Variants in NET1 observed in about 807,000 individuals in gnomAD.
NET1 encodes neuroepithelial cell-transforming gene 1 protein.
Under a neutral mutation model 61.1 loss-of-function variants are expected in NET1, and 42 were observed. The ratio of observed to expected loss-of-function variants is 0.69; its 90% confidence interval spans 0.54 to 0.89. NET1 has a LOEUF of 0.89. NET1 is among the 40% of genes least tolerant of loss of function. The pLI is 0.00. For synonymous variants in NET1, 254 were observed against 281.8 expected (o/e 0.90, Z 0.99); for missense variants, 654 against 747.3 (o/e 0.88, Z 1.46).
intron 3 of NET1, among the ~76,000 whole-genome samples, chr10:5,445,847 C>T (rs899995715): frequency 1.3e-5 from 2 of 152,280 alleles, no homozygotes; most frequent in East Asian, 1.9e-4. Context: ...TCAGTTAATT[C>T]AGTCTAGAGA....
Position 5,446,694 on chromosome 10 carries a change from T to C in NET1, c.256-5136T>C, listed in dbSNP as rs912767640. ...CTCTGGGAAGAAAAGCCCGTGTGCCTCTGCATAGCGTCGCTACAGCGCTGA... is the reference window on the plus strand; with the variant it reads ...CTCTGGGAAGAAAAGCCCGTGTGCCCCTGCATAGCGTCGCTACAGCGCTGA... On this transcript the variant is annotated intron_variant, in intron 3 of 11. Coordinates refer to ENST00000355029, the MANE Select transcript of NET1 (RefSeq NM_001047160.3). This position sits in a 1 kb window ranked among gnomAD's most constrained non-coding sequence, Gnocchi z 5.0. The C allele has an allele frequency of 1.0e-5, 15 of 1,428,728 alleles. No individual in the cohort carries two copies. The highest frequency in any genetic ancestry group is 1.3e-5 in the Non-Finnish European group (14 of 1,077,470). The allele number at this position is 1,428,728 out of a possible 1,614,324, so 88.5% of individuals were successfully genotyped here. A position where few individuals can be genotyped will look rare whatever the true frequency, so the allele number is the denominator to read the frequency against.
rs116916982 is a variant in NET1, at chr10:5,456,065, C to T, written c.1198-22C>T. On this transcript the variant is annotated intron_variant, in intron 10 of 11. Coordinates refer to ENST00000355029, the MANE Select transcript of NET1 (RefSeq NM_001047160.3). The surrounding 1 kb of genome is among the most constrained non-coding windows in gnomAD (Gnocchi z 7.0). Reference sequence around the variant, plus strand: ...TTAAAAACACAAGTTTCCTATTTAGCGTTTGTTTCCCATTTCTCCAGAAAC... The same window carrying T: ...TTAAAAACACAAGTTTCCTATTTAGTGTTTGTTTCCCATTTCTCCAGAAAC... The T allele has an allele frequency of 1.1e-5, 17 of 1,594,060 alleles. No individual in the cohort carries two copies. Among genetic ancestry groups the T allele is most frequent in the Admixed American group, 1.7e-5 (1 of 57,654 alleles).
chr10:5,428,670 TA>T (rs947251492), intron 2 of NET1, among the ~76,000 whole-genome samples: 1 of 151,880 alleles, frequency 6.6e-6, no homozygotes, highest in Non-Finnish European at 1.5e-5. Context: ...ACTGTTCAGA[TA>T]GTATCTATTC....
Position 5,456,027 on chromosome 10 carries a change from AT to A in NET1, c.1198-59del. 6.9e-7 allele frequency: 1 copy of A among 1,451,670 alleles called. No homozygotes were observed. The highest frequency in any genetic ancestry group is 1.4e-5 in the African/African-American group (1 of 70,846). 89.9% of individuals were successfully genotyped at this position (1,451,670 alleles called of 1,614,324 possible). On this transcript the variant is annotated intron_variant, in intron 10 of 11. Coordinates refer to ENST00000355029, the MANE Select transcript of NET1 (RefSeq NM_001047160.3). This position sits in a 1 kb window ranked among gnomAD's most constrained non-coding sequence, Gnocchi z 7.0. ...AATAATGTCGAGTTATTTTAGCAAT[AT>A]ATTTCAGTCACTTAAAAACACAAGT...
rs574813174 is a variant in NET1, at chr10:5,435,708, A to G, written c.255+6479A>G. ...GGACTTTGGATATCTTATATGAAGA[A>G]TTTAATTCTGATGTCAATTGAATTT... On this transcript the variant is annotated intron_variant, in intron 3 of 11. Transcript: ENST00000355029. The surrounding 1 kb of genome is among the most constrained non-coding windows in gnomAD (Gnocchi z 5.0). Among the ~76,000 whole-genome samples, 1 of 152,130 alleles carries G rather than the reference A, an allele frequency of 6.6e-6. No individual in the cohort carries two copies. The highest frequency in any genetic ancestry group is 2.1e-4 in the South Asian group (1 of 4,828).
At position 5,439,053 on chromosome 10, in the gene NET1, A is replaced by G. The variant is rs1436331994; in HGVS notation, c.255+9824A>G. Among the ~76,000 whole-genome samples the G allele has an allele frequency of 6.6e-6, 1 of 152,230 alleles. No individual in the cohort carries two copies. The highest frequency in any genetic ancestry group is 1.5e-5 in the Non-Finnish European group (1 of 68,036). On this transcript the variant is annotated intron_variant, in intron 3 of 11. Transcript: ENST00000355029. This position sits in a 1 kb window ranked among gnomAD's most constrained non-coding sequence, Gnocchi z 4.8. Reference sequence around the variant, plus strand: ...TGTGGCCATTCTCATAGGCCCATCCATATGCCTCTTCTCCAAAATTGATTT... The same window carrying G: ...TGTGGCCATTCTCATAGGCCCATCCGTATGCCTCTTCTCCAAAATTGATTT...
chr10:5,453,669 C>T lies in NET1; in HGVS notation c.768+109C>T. 1 of 938,190 alleles carries T rather than the reference C, an allele frequency of 1.1e-6. No individual in the cohort carries two copies. The highest frequency in any genetic ancestry group is 1.7e-6 in the Non-Finnish European group (1 of 582,882). The allele number at this position is 938,190 out of a possible 1,614,324, so 58.1% of individuals were successfully genotyped here. On this transcript the variant is annotated intron_variant, in intron 8 of 11. Coordinates refer to ENST00000355029, the MANE Select transcript of NET1 (RefSeq NM_001047160.3). This position sits in a 1 kb window ranked among gnomAD's most constrained non-coding sequence, Gnocchi z 4.9. ...ATCCCACAACTCTGTTCTACAAACA[C>T]ATAAGGCGTTAAAACTGAACAAATT...
chr10:5,456,920 C>A lies in NET1; in HGVS notation c.1717C>A (p.Gln573Lys). ...AEDSKSLKTH[Q>K]TQPGIRRARD... is the part of the protein sequence containing the mutation. Reference sequence around the variant, plus strand: ...GGACAGCAAGAGCTTAAAGACACACCAGACACAGCCCGGCATCCGAAGAGC... The same window carrying A: ...GGACAGCAAGAGCTTAAAGACACACAAGACACAGCCCGGCATCCGAAGAGC... Residue 573 changes from glutamine to lysine, a missense_variant, in exon 12 of 12, where the codon CAG becomes AAG. Physicochemically the swap from Gln to Lys is moderately conservative, Grantham distance 53 (BLOSUM62 1). Coordinates refer to ENST00000355029, the MANE Select transcript of NET1 (RefSeq NM_001047160.3). This position sits in a 1 kb window ranked among gnomAD's most constrained non-coding sequence, Gnocchi z 7.0. 2 of 1,611,742 alleles carry A rather than the reference C, an allele frequency of 1.2e-6. No individual in the cohort carries two copies. Among genetic ancestry groups the A allele is most frequent in the Non-Finnish European group, 1.7e-6 (2 of 1,178,908 alleles).
rs1832163632 is a variant in NET1, at chr10:5,420,862, G to T, written c.129-5793G>T. Among the ~76,000 whole-genome samples the T allele has an allele frequency of 6.6e-6, 1 of 152,180 alleles. No individual in the cohort carries two copies. Among genetic ancestry groups the T allele is most frequent in the African/African-American group, 2.4e-5 (1 of 41,502 alleles). Reference sequence around the variant, plus strand: ...GCCCACCTTGACCTCCCAAAGTGCTGGGATTACAAGTATGAGTCACTGTGC... The same window carrying T: ...GCCCACCTTGACCTCCCAAAGTGCTTGGATTACAAGTATGAGTCACTGTGC... On this transcript the variant is annotated intron_variant, in intron 1 of 11. Coordinates refer to ENST00000355029, the MANE Select transcript of NET1 (RefSeq NM_001047160.3). The surrounding 1 kb of genome is among the most constrained non-coding windows in gnomAD (Gnocchi z 5.3).
chr10:5,456,629 G>C lies in NET1; in HGVS notation c.1426G>C (p.Ala476Pro). 1 of 1,577,970 alleles carries C rather than the reference G, an allele frequency of 6.3e-7. No individual in the cohort carries two copies. Among genetic ancestry groups the C allele is most frequent in the South Asian group, 1.2e-5 (1 of 86,310 alleles). Residue 476 changes from alanine (A) to proline (P), a missense_variant, in exon 12 of 12, where the codon GCC becomes CCC. Ala to Pro is a conservative substitution (Grantham distance 27). Coordinates refer to ENST00000355029, the MANE Select transcript of NET1 (RefSeq NM_001047160.3). The surrounding 1 kb of genome is among the most constrained non-coding windows in gnomAD (Gnocchi z 7.0). Reference protein sequence around the residue: ...FRIRFHDPSPAQSHTLQANDV... With the variant: ...FRIRFHDPSPPQSHTLQANDV... ...AATTCGCTTCCATGACCCCTCTCCA[G>C]CCCAGTCTCACACTCTGCAAGCCAA...
chr10:5,433,604 C>T (rs1426772362), intron 3 of NET1, among the ~76,000 whole-genome samples: 3 of 152,284 alleles, frequency 2.0e-5, no homozygotes, highest in African/African-American at 7.2e-5. Context: ...ACCCATGGCT[C>T]ACCTTTTCTT....
At position 5,455,087 on chromosome 10, in the gene NET1, GC is replaced by G. The variant is rs1752746275; in HGVS notation, c.1168del (p.His390MetfsTer23). On this transcript the variant is annotated frameshift_variant, in exon 10 of 12. Transcript: ENST00000355029. LOFTEE classifies it high-confidence loss of function. The surrounding 1 kb of genome is among the most constrained non-coding windows in gnomAD (Gnocchi z 6.5). Reference protein sequence around the residue: ...PRIEASKVLLCHGELRSKSGH... With the variant: ...PRIEASKVLLXHGELRSKSGH... ...ATCGAAGCGAGCAAAGTGCTGCTGT[GC>G]CATGGGGAGCTGCGGAGCAAGAGTG... 1 of 1,613,842 alleles carries G rather than the reference GC, an allele frequency of 6.2e-7. No individual in the cohort carries two copies. Among genetic ancestry groups the G allele is most frequent in the Non-Finnish European group, 8.5e-7 (1 of 1,180,030 alleles).
At chr10:5,430,933 G>A (rs1178792275) in intron 3 of NET1, among the ~76,000 whole-genome samples, 2 of 147,858 alleles carry the variant, frequency 1.4e-5, no homozygotes, top group South Asian at 2.2e-4. Context: ...GTGCAGTGGC[G>A]CGATCTCTGC....
rs963987968 is a variant in NET1 at position 5,415,641 on chromosome 10, A to G, written c.128+2821A>G. Among the ~76,000 whole-genome samples the G allele has an allele frequency of 2.0e-5, 3 of 152,120 alleles. No individual in the cohort carries two copies. The highest frequency in any genetic ancestry group is 2.9e-5 in the Non-Finnish European group (2 of 68,018). On this transcript the variant is annotated intron_variant, in intron 1 of 11. Coordinates refer to ENST00000355029, the MANE Select transcript of NET1 (RefSeq NM_001047160.3). This position sits in a 1 kb window ranked among gnomAD's most constrained non-coding sequence, Gnocchi z 4.7. Reference sequence around the variant, plus strand: ...TTTTTAGTAAAGACAGGGTTTCACCATGTTGGCTAGGCTGGTCTTGAACTC... The same window carrying G: ...TTTTTAGTAAAGACAGGGTTTCACCGTGTTGGCTAGGCTGGTCTTGAACTC...
Position 5,455,525 on chromosome 10 carries a change from A to G in NET1, c.1197+407A>G, listed in dbSNP as rs1293935400. On this transcript the variant is annotated intron_variant, in intron 10 of 11. Transcript: ENST00000355029. The surrounding 1 kb of genome is among the most constrained non-coding windows in gnomAD (Gnocchi z 6.5). ...AATGCAAATGTATTTTTTAAATGCT[A>G]ATTATAAAAGTACCTGCTAGAACTA... is the stretch of plus-strand genomic sequence containing the variant. 6.6e-6 allele frequency among the ~76,000 whole-genome samples: 1 copy of G among 152,246 alleles called. No individual in the cohort carries two copies. Among genetic ancestry groups the G allele is most frequent in the Non-Finnish European group, 1.5e-5 (1 of 68,050 alleles).
In NET1 at chr10:5,412,747, C is replaced by T. The variant is rs761761946; in HGVS notation, c.55C>T (p.Arg19Trp). The T allele has an allele frequency of 2.0e-6, 3 of 1,482,938 alleles. No individual in the cohort carries two copies. Among genetic ancestry groups the T allele is most frequent in the African/African-American group, 2.9e-5 (2 of 68,404 alleles). 91.9% of individuals were successfully genotyped at this position (1,482,938 alleles called of 1,614,324 possible). The part of the protein sequence containing the change: ...KQPRPRRRSR[R>W]ASGLSTEGAT... ...GCCTCGACCGCGGAGGCGAAGCCGC[C>T]GGGCCTCTGGGCTCAGCACGGAGGG... The change falls in exon 1 of 12, where the codon CGG (arginine) becomes TGG (tryptophan). Residue 19 changes from arginine to tryptophan, a missense_variant. Arg to Trp is a moderately radical substitution (Grantham distance 101). Coordinates refer to ENST00000355029, the MANE Select transcript of NET1 (RefSeq NM_001047160.3). The surrounding 1 kb of genome is among the most constrained non-coding windows in gnomAD (Gnocchi z 6.5).
At position 5,454,918 on chromosome 10, in the gene NET1, T is replaced by A. The variant is rs753766799; in HGVS notation, c.1027-30T>A. On this transcript the variant is annotated intron_variant, in intron 9 of 11. Transcript: ENST00000355029. This position sits in a 1 kb window ranked among gnomAD's most constrained non-coding sequence, Gnocchi z 8.1. The stretch of plus-strand genomic sequence containing the variant: ...GCAGAATGAGTTAATAAACTGAAGC[T>A]GCTCTGTCAATTTTATTTATCATTT... 4 of 1,605,102 alleles carry A rather than the reference T, an allele frequency of 2.5e-6. No homozygotes were observed. Among genetic ancestry groups the A allele is most frequent in the Non-Finnish European group, 2.6e-6 (3 of 1,173,250 alleles).
At chr10:5,414,855 A>G (rs1484321492) in intron 1 of NET1, among the ~76,000 whole-genome samples, 1 of 152,176 alleles carries the variant, frequency 6.6e-6, no homozygotes, top group African/African-American at 2.4e-5. Context: ...GTTTTGAAGA[A>G]TGGGGTGTGT....
chr10:5,447,317 C>A lies in NET1; in HGVS notation c.256-4513C>A, dbSNP rs1832630442. 6.6e-6 allele frequency among the ~76,000 whole-genome samples: 1 copy of A among 152,128 alleles called. No individual in the cohort carries two copies. The highest frequency in any genetic ancestry group is 1.5e-5 in the Non-Finnish European group (1 of 68,022). On this transcript the variant is annotated intron_variant, in intron 3 of 11. Coordinates refer to ENST00000355029, the MANE Select transcript of NET1 (RefSeq NM_001047160.3). The surrounding 1 kb of genome is among the most constrained non-coding windows in gnomAD (Gnocchi z 4.1). ...TCCATCTGATGAGTTCATTGTATGCCACTTTTTTCTTCAGAAGGAAAGAGG... is the reference window on the plus strand; with the variant it reads ...TCCATCTGATGAGTTCATTGTATGCAACTTTTTTCTTCAGAAGGAAAGAGG...
Sources: gnomAD v4.1 joint callset for allele counts (sites outside exome capture counted in the v4.1 genomes callset) on GRCh38, gnomAD v4.1.1 for gene constraint, Gnocchi (gnomAD v3.1) non-coding constraint, MANE v1.5 for transcripts, NCBI Gene and HGNC (gene_info 2026-07-23, HGNC 2026-07-21) for gene names.